DHRSX: variants seen among roughly 807,000 people sequenced by gnomAD.
DHRSX encodes dehydrogenase/reductase X-linked, also known as polyprenol dehydrogenase.
A neutral mutation model predicts 34.0 loss-of-function variants in DHRSX; 31 were observed. That is an observed-to-expected ratio of 0.91 (90% confidence interval 0.69 to 1.23). The LOEUF (loss-of-function observed/expected upper bound fraction) is 1.23, where lower values mean the gene tolerates loss of function less well. Ranked by LOEUF, DHRSX falls within the 50% of genes most tolerant of loss-of-function variation. DHRSX has a pLI of 0.00. For synonymous variants in DHRSX, 201 were observed against 183.8 expected, an observed-to-expected ratio of 1.09 and a Z score of -0.76; for missense variants, 414 against 428.1, an observed-to-expected ratio of 0.97 and a Z score of 0.29.
intron 3 of DHRSX, among the ~76,000 whole-genome samples, chrX:2,399,313 T>C (rs2043454664): frequency 6.6e-6 from 1 of 151,284 alleles, no homozygotes; most frequent in African/African-American, 2.4e-5. Flanking sequence ...TATGCCTGTC[T>C]ACAGCCTGAC....
At chrX:2,229,654 T>C (rs1271926753) in intron 6 of DHRSX, among the ~76,000 whole-genome samples, 1 of 151,382 alleles carries the variant, frequency 6.6e-6, no homozygotes, top group Non-Finnish European at 1.5e-5. Flanking sequence ...TGTATGTGCA[T>C]GTCTGTATGT....
In DHRSX at chrX:2,327,164, C is replaced by CA. The variant is rs1193629366; in HGVS notation, c.287-35562_287-35561insT. ...CAACACTTTTCGTGCATGAGTGACGCTGGCGGCCATGTACTCAGCCATTCC... is the reference window on the plus strand; with the variant it reads ...CAACACTTTTCGTGCATGAGTGACGCATGGCGGCCATGTACTCAGCCATTCC... On this transcript the variant is annotated intron_variant, in intron 3 of 6. Coordinates refer to ENST00000334651, the MANE Select transcript of DHRSX (RefSeq NM_145177.3). 1.5e-4 allele frequency among the ~76,000 whole-genome samples: 23 copies of CA among 152,352 alleles called. No homozygotes were observed. In the South Asian group the frequency reaches 3.7e-3, roughly 25 times the overall value.
rs190799624 is a variant in DHRSX, at chrX:2,416,717, T to C, written c.218-7904A>G. ...AATGATCCCCCACCAAAATAATATTTTGAAACAATGAGAACTAAGATCTTG... is the reference window on the plus strand; with the variant it reads ...AATGATCCCCCACCAAAATAATATTCTGAAACAATGAGAACTAAGATCTTG... On this transcript the variant is annotated intron_variant, in intron 2 of 6. Coordinates refer to ENST00000334651, the MANE Select transcript of DHRSX (RefSeq NM_145177.3). 4.2e-3 allele frequency among the ~76,000 whole-genome samples: 643 copies of C among 152,298 alleles called. 3 individuals carry two copies. Among genetic ancestry groups the C allele is most frequent in the Non-Finnish European group, 7.1e-3 (480 of 68,012 alleles).
At chrX:2,380,218 C>T (rs919565187) in intron 3 of DHRSX, among the ~76,000 whole-genome samples, 32 of 143,808 alleles carry the variant, frequency 2.2e-4, no homozygotes, top group African/African-American at 6.6e-4. Context: ...TTGCTTGAAC[C>T]GGGACCCAGG....
intron 3 of DHRSX, among the ~76,000 whole-genome samples, chrX:2,355,713 T>C (rs2042842491): frequency 6.6e-6 from 1 of 151,800 alleles, no homozygotes; most frequent in Non-Finnish European, 1.5e-5. Flanking sequence ...GTAGGAGATA[T>C]AACATCACAT....
chrX:2,282,593 AAG>A (rs752451345), intron 4 of DHRSX, among the ~76,000 whole-genome samples: 88 of 107,954 alleles, frequency 8.2e-4, no homozygotes, highest in African/African-American at 2.7e-3. Flanking sequence ...AGAGAGAAGA[AAG>A]AGGGGAGAGA....
At chrX:2,270,898 A>G (rs970382182) in intron 4 of DHRSX, among the ~76,000 whole-genome samples, 5 of 149,094 alleles carry the variant, frequency 3.4e-5, no homozygotes, top group East Asian at 4.0e-4. Flanking sequence ...GCTCTATAAA[A>G]TGGACCAATC....
chrX:2,340,307 C>T (rs1245522940), intron 3 of DHRSX, among the ~76,000 whole-genome samples: 4 of 151,830 alleles, frequency 2.6e-5, no homozygotes, highest in African/African-American at 9.7e-5. Flanking sequence ...AACTGCACGT[C>T]CTGCACATGT....
chrX:2,331,874 T>C (rs1391731419), intron 3 of DHRSX, among the ~76,000 whole-genome samples: 1 of 152,164 alleles, frequency 6.6e-6, no homozygotes, highest in Non-Finnish European at 1.5e-5. Flanking sequence ...TGTTGTCTAT[T>C]TTAAGAAATT....
At chrX:2,298,616 A>ACACACACACACACACACG (rs1556457299) in intron 3 of DHRSX, among the ~76,000 whole-genome samples, 17 of 138,302 alleles carry the variant, frequency 1.2e-4, no homozygotes, top group African/African-American at 5.7e-4. Flanking sequence ...ACACACACAC[A>ACACACACACACACACACG]CACACACACA....
intron 1 of DHRSX, among the ~76,000 whole-genome samples, chrX:2,455,667 G>C (rs1271823381): frequency 1.3e-5 from 2 of 149,914 alleles, no homozygotes; most frequent in Non-Finnish European, 3.0e-5. Flanking sequence ...CGTGAACCCT[G>C]GAGACGGAGG....
At chrX:2,414,316 C>G (rs907396827) in intron 2 of DHRSX, among the ~76,000 whole-genome samples, 2 of 151,890 alleles carry the variant, frequency 1.3e-5, no homozygotes, top group Non-Finnish European at 2.9e-5. Context: ...TACATCTCAT[C>G]AAGGCCAACA....
chrX:2,493,366 T>G (rs760650330), intron 1 of DHRSX, among the ~76,000 whole-genome samples: 1 of 152,190 alleles, frequency 6.6e-6, no homozygotes, highest in South Asian at 2.1e-4. Flanking sequence ...TTTTGGTAAT[T>G]GGGAGGAAAA....
At chrX:2,428,495 T>A (rs1173129902) in intron 1 of DHRSX, among the ~76,000 whole-genome samples, 1 of 152,088 alleles carries the variant, frequency 6.6e-6, no homozygotes, top group Non-Finnish European at 1.5e-5. Flanking sequence ...CTGGAAACCA[T>A]CCTTCTCAGC....
intron 4 of DHRSX, among the ~76,000 whole-genome samples, chrX:2,273,918 G>A (rs2041590050): frequency 2.0e-5 from 3 of 152,220 alleles, no homozygotes. Flanking sequence ...CGCCTGGCGG[G>A]GAAGCTGCGT....
intron 5 of DHRSX, among the ~76,000 whole-genome samples, chrX:2,249,470 T>C (rs759235250): frequency 6.8e-6 from 1 of 148,006 alleles, no homozygotes; most frequent in African/African-American, 2.5e-5. Flanking sequence ...AGTGCTGGAA[T>C]GACAGACGTG....
chrX:2,313,765 C>A (rs34801472), intron 3 of DHRSX, among the ~76,000 whole-genome samples: 1 of 151,806 alleles, frequency 6.6e-6, no homozygotes, highest in Non-Finnish European at 1.5e-5. Context: ...GTGACACAGC[C>A]CTCAGGAGAT....
chrX:2,259,911 C>G (rs182762844), intron 5 of DHRSX, among the ~76,000 whole-genome samples: 2 of 152,078 alleles, frequency 1.3e-5, no homozygotes, highest in African/African-American at 4.8e-5. Flanking sequence ...CTAATTACAC[C>G]GGCAAAGTTC....
chrX:2,232,054 CCT>C (rs199740310), intron 6 of DHRSX, among the ~76,000 whole-genome samples: 4,349 of 85,200 alleles, frequency 0.051, 246 homozygotes, highest in African/African-American at 0.17. Context: ...TCTTTCTATC[CCT>C]CTGTCTTCCT....
Sources: allele counts gnomAD v4.1 joint callset (sites outside exome capture counted in the v4.1 genomes callset), GRCh38; gene constraint gnomAD v4.1.1; transcripts MANE v1.5; gene names NCBI Gene and HGNC (gene_info 2026-07-23, HGNC 2026-07-21).